ESRRG: variants seen among roughly 807,000 people sequenced by gnomAD.
ESRRG encodes the protein estrogen-related receptor gamma.
A neutral mutation model predicts 44.0 loss-of-function variants in ESRRG; 13 were observed. The ratio of observed to expected loss-of-function variants is 0.30; its 90% CI spans 0.19 to 0.47. The LOEUF is 0.47. Ranked by LOEUF, ESRRG falls within the 20% of genes least tolerant of loss-of-function variation. The pLI is 1.00. For missense variants in ESRRG, 395 were observed against 580.6 expected (o/e 0.68, Z 3.29); for synonymous variants, 215 against 214.6 (o/e 1.00, Z -0.02).
intron 1 of ESRRG, among the ~76,000 whole-genome samples, chr1:217,065,430 A>T (rs2089466424): frequency 6.6e-6 from 1 of 152,234 alleles, no homozygotes; most frequent in Non-Finnish European, 1.5e-5. Flanking sequence ...AGAATCTCCC[A>T]TGAGGCTTGC....
intron 1 of ESRRG, among the ~76,000 whole-genome samples, chr1:217,099,003 T>G (rs370501861): frequency 6.6e-6 from 1 of 152,208 alleles, no homozygotes; most frequent in African/African-American, 2.4e-5. Context: ...CCATAGCCCT[T>G]AACACCTTCT....
intron 3 of ESRRG, among the ~76,000 whole-genome samples, chr1:216,618,479 A>G (rs1176581667): frequency 6.6e-6 from 1 of 152,224 alleles, no homozygotes; most frequent in Non-Finnish European, 1.5e-5. Context: ...TTCAGCTACA[A>G]TCTTACATAT....
At chr1:216,997,759 T>A (rs1018742322) in intron 1 of ESRRG, among the ~76,000 whole-genome samples, 1 of 152,172 alleles carries the variant, frequency 6.6e-6, no homozygotes, top group Non-Finnish European at 1.5e-5. Flanking sequence ...CATTTTATAA[T>A]GAACACTATT....
intron 1 of ESRRG, among the ~76,000 whole-genome samples, chr1:217,120,629 C>T (rs988580412): frequency 6.6e-6 from 1 of 152,118 alleles, no homozygotes; most frequent in Non-Finnish European, 1.5e-5. Context: ...CATCCACAGC[C>T]CCATTGAACT....
At chr1:216,680,532 C>T (rs1040770688) in intron 1 of ESRRG, among the ~76,000 whole-genome samples, 3 of 152,194 alleles carry the variant, frequency 2.0e-5, no homozygotes, top group African/African-American at 7.2e-5. Flanking sequence ...ACAGCCCACG[C>T]ATAAGTGGAA....
At chr1:216,603,945 C>CAAAAAAACAA (rs2059585273) in intron 3 of ESRRG, among the ~76,000 whole-genome samples, 1 of 127,366 alleles carries the variant, frequency 7.9e-6, no homozygotes, top group African/African-American at 2.9e-5. Flanking sequence ...AACAAAAAAA[C>CAAAAAAACAA]AAAAAAAAAA....
chr1:216,726,660 C>A (rs1296803173), upstream of ESRRG, among the ~76,000 whole-genome samples: 1 of 152,128 alleles, frequency 6.6e-6, no homozygotes, highest in African/African-American at 2.4e-5. Context: ...ACAAAAGGAT[C>A]TCTCATGATT....
intron 2 of ESRRG, among the ~76,000 whole-genome samples, chr1:216,900,060 C>G (rs1449924333): frequency 6.6e-6 from 1 of 152,140 alleles, no homozygotes; most frequent in Non-Finnish European, 1.5e-5. Flanking sequence ...TTTGTCGTCT[C>G]TATATGCTAT....
intron 2 of ESRRG, among the ~76,000 whole-genome samples, chr1:216,813,113 T>A (rs1156564565): frequency 6.6e-6 from 1 of 152,128 alleles, no homozygotes; most frequent in East Asian, 1.9e-4. Context: ...CTAACAGATC[T>A]CGTGAGCTGT....
At chr1:216,696,847 C>T (rs1434667084) in intron 1 of ESRRG, among the ~76,000 whole-genome samples, 2 of 152,078 alleles carry the variant, frequency 1.3e-5, no homozygotes, top group African/African-American at 4.8e-5. Flanking sequence ...GGTACTAATA[C>T]CTATCCTATC....
chr1:217,011,765 T>C (rs1446638406), intron 1 of ESRRG, among the ~76,000 whole-genome samples: 1 of 152,108 alleles, frequency 6.6e-6, no homozygotes, highest in Non-Finnish European at 1.5e-5. Flanking sequence ...CTTCCCAGCT[T>C]CAGGCTGCGA....
chr1:216,798,898 C>T (rs899816994), intron 2 of ESRRG, among the ~76,000 whole-genome samples: 2 of 151,922 alleles, frequency 1.3e-5, no homozygotes, highest in East Asian at 1.9e-4. Context: ...ATATTAATTG[C>T]CATTAATAAT....
chr1:216,956,121 C>A (rs2067904003), intron 1 of ESRRG, among the ~76,000 whole-genome samples: 1 of 152,068 alleles, frequency 6.6e-6, no homozygotes, highest in African/African-American at 2.4e-5. Flanking sequence ...TTTCCTAGAC[C>A]AATGTCCTGA....
chr1:217,113,523 G>T (rs971212114), intron 1 of ESRRG, among the ~76,000 whole-genome samples: 2 of 152,134 alleles, frequency 1.3e-5, no homozygotes, highest in African/African-American at 4.8e-5. Context: ...ATCCACATAT[G>T]GACATGATTT....
chr1:217,129,419 G>A (rs2102529315), intron 1 of ESRRG, among the ~76,000 whole-genome samples: 1 of 152,306 alleles, frequency 6.6e-6, no homozygotes, highest in South Asian at 2.1e-4. Context: ...GTGGAAAGAA[G>A]TATGGTTGGT....
At chr1:217,136,881 T>C (rs2102562947) in intron 1 of ESRRG, among the ~76,000 whole-genome samples, 1 of 152,276 alleles carries the variant, frequency 6.6e-6, no homozygotes, top group African/African-American at 2.4e-5. Flanking sequence ...AATAGGACGA[T>C]CAGCACGGAT....
At chr1:216,508,577 G>A (rs1456836538) in intron 6 of ESRRG, among the ~76,000 whole-genome samples, 1 of 152,182 alleles carries the variant, frequency 6.6e-6, no homozygotes, top group Non-Finnish European at 1.5e-5. Context: ...GCCTTTCCCT[G>A]TGGATTGTTT....
intron 6 of ESRRG, among the ~76,000 whole-genome samples, chr1:216,515,418 A>T (rs1016717542): frequency 1.3e-5 from 2 of 152,248 alleles, no homozygotes; most frequent in South Asian, 4.1e-4. Context: ...CCTATATGAG[A>T]GTCCAAATAT....
At chr1:217,016,324 A>T (rs911442038) in intron 1 of ESRRG, among the ~76,000 whole-genome samples, 1 of 151,916 alleles carries the variant, frequency 6.6e-6, no homozygotes, top group Admixed American at 6.6e-5. Flanking sequence ...CTAAATTTGG[A>T]GTCAGATGAG....
Sources: gnomAD v4.1 joint callset for allele counts (sites outside exome capture counted in the v4.1 genomes callset) on GRCh38, gnomAD v4.1.1 for gene constraint, MANE v1.5 for transcripts, NCBI Gene and HGNC (gene_info 2026-07-23, HGNC 2026-07-21) for gene names.